Variants in PROSER3 observed in about 807,000 individuals in gnomAD.
PROSER3 encodes proline and serine rich 3.
Under a neutral mutation model 50.2 loss-of-function variants are expected in PROSER3, and 33 were observed. That is an observed-to-expected ratio of 0.66 (90% CI 0.50 to 0.88). PROSER3 has a LOEUF of 0.88. PROSER3 is among the 40% of genes least tolerant of loss of function. The probability of loss-of-function intolerance (pLI) is 0.00; values close to 1 mark genes in which losing one functional copy is unlikely to be tolerated. For synonymous variants in PROSER3, 266 were observed against 259.3 expected (o/e 1.03, Z -0.25); for missense variants, 623 against 612.7 (o/e 1.02, Z -0.18).
chr19:35,762,308 C>G, exon 5 of PROSER3: 1 of 1,611,158 alleles, frequency 6.2e-7, no homozygotes, highest in Non-Finnish European at 8.5e-7. Context: ...CTGCGGTCAA[C>G]GTGACCAGTG....
chr19:35,770,186 A>ATG (rs1971293952), downstream of PROSER3, among the ~76,000 whole-genome samples: 1 of 151,332 alleles, frequency 6.6e-6, no homozygotes, highest in Admixed American at 6.6e-5. Flanking sequence ...TACAGGCATG[A>ATG]GCCATCATGC....
At chr19:35,758,355 C>A in intron 1 of PROSER3, 129 bp downstream of exon 1, 1 of 1,253,080 alleles carries the variant, frequency 8.0e-7, no homozygotes, top group Non-Finnish European at 1.1e-6. Flanking sequence ...ACTACAATTC[C>A]CAACATGCTC....
At chr19:35,759,043 C>A (rs1166990175) in intron 1 of PROSER3, 2 of 229,338 alleles carry the variant, frequency 8.7e-6, no homozygotes, top group Non-Finnish European at 1.7e-5. Context: ...GGAGGCCCAG[C>A]CCCACTAATA....
chr19:35,759,390 A>G, exon 2 of PROSER3: 1 of 1,613,490 alleles, frequency 6.2e-7, no homozygotes. Flanking sequence ...AGTTTTCTCC[A>G]TTCAAGATAG....
chr19:35,762,646 A>C, intron 5 of PROSER3: 1 of 313,384 alleles, frequency 3.2e-6, no homozygotes, highest in Admixed American at 4.7e-5. Flanking sequence ...GGATGGCTTG[A>C]GCCTAGGAGT....
At chr19:35,768,035 C>G in exon 9 of PROSER3, 1 of 1,581,808 alleles carries the variant, frequency 6.3e-7, no homozygotes, top group Non-Finnish European at 8.6e-7. Flanking sequence ...CCTGCTTGCC[C>G]AGGCCGCCCT....
At chr19:35,760,308 C>G (rs1039548519) in intron 3 of PROSER3, among the ~76,000 whole-genome samples, 2 of 152,120 alleles carry the variant, frequency 1.3e-5, no homozygotes, top group East Asian at 3.9e-4. Flanking sequence ...ACCTCAAACT[C>G]CTGGGCTCAA....
chr19:35,759,713 G>C, intron 2 of PROSER3, 76 bp from the exon 3 acceptor site: 1 of 1,356,572 alleles, frequency 7.4e-7, no homozygotes, highest in Non-Finnish European at 1.0e-6. Flanking sequence ...GAGACTTTGT[G>C]TGTGTCCTGG....
In PROSER3 at chr19:35,766,755, C is replaced by T; in HGVS notation, c.770-13C>T. The T allele has an allele frequency of 6.5e-7, 1 of 1,538,732 alleles. No homozygotes were observed. The highest frequency in any genetic ancestry group is 8.8e-7 in the Non-Finnish European group (1 of 1,137,420). On this transcript the variant is annotated splice_polypyrimidine_tract_variant and intron_variant, in intron 7 of 10. Transcript: ENST00000396908. ...CCCCTGCCTCACCCTCTCCTCTCTA[C>T]CTCCCCCTACAGCATCCCCGGCACC...
chr19:35,768,052 G>T lies in PROSER3; in HGVS notation c.1206G>T (p.Leu402=), dbSNP rs745330837. The change falls in exon 9 of 11, where the codon CTG becomes CTT. Residue 402 remains leucine, a synonymous_variant. Transcript: ENST00000396908. ...TGCTTGCCCAGGCCGCCCTGCTGCT[G>T]CAGGCTGCAGAAGGTGATGCCCGCG... The T allele has an allele frequency of 3.2e-6, 5 of 1,582,572 alleles. No individual in the cohort carries two copies. In the Middle Eastern group the frequency reaches 6.7e-4, roughly 211 times the overall value.
At chr19:35,763,203 C>T (rs1357005616) in intron 5 of PROSER3, among the ~76,000 whole-genome samples, 1 of 151,476 alleles carries the variant, frequency 6.6e-6, no homozygotes, top group African/African-American at 2.4e-5. Context: ...GGGCTCCATG[C>T]CCCCCCTTTT....
At chr19:35,759,980 C>T (rs780204535) in exon 3 of PROSER3, 19 of 1,591,488 alleles carry the variant, frequency 1.2e-5, no homozygotes, top group Non-Finnish European at 1.5e-5. Context: ...GCGGGGACTC[C>T]GTGGTGGCCA....
intron 9 of PROSER3, 35 bp downstream of exon 9, chr19:35,768,100 G>A (rs1310462962): frequency 3.8e-6 from 6 of 1,594,188 alleles, no homozygotes; most frequent in African/African-American, 1.3e-5. Context: ...TTGGAGGCAG[G>A]CCAGCCCCCT....
intron 3 of PROSER3, 28 bp downstream of exon 3, chr19:35,760,019 A>G (rs751048717): frequency 2.0e-6 from 3 of 1,524,526 alleles, no homozygotes; most frequent in Non-Finnish European, 2.6e-6. Flanking sequence ...TGGGGGAAAA[A>G]GAGGCTTTGG....
At chr19:35,761,866 C>T (rs927977585) in intron 3 of PROSER3, among the ~76,000 whole-genome samples, 153 bp from the exon 4 acceptor site, 16 of 151,952 alleles carry the variant, frequency 1.1e-4, no homozygotes, top group African/African-American at 3.9e-4. Flanking sequence ...GTCTCAAAAA[C>T]AGTTATGTGA....
At chr19:35,763,628 C>G (rs777422154) in intron 5 of PROSER3, among the ~76,000 whole-genome samples, 72 of 145,524 alleles carry the variant, frequency 4.9e-4, no homozygotes, top group Admixed American at 9.5e-4. Context: ...CTCAGCCTCC[C>G]GAGTAGCTGG....
chr19:35,759,617 C>G (rs1006741395), intron 2 of PROSER3, 147 bp downstream of exon 2: 29 of 977,670 alleles, frequency 3.0e-5, no homozygotes, highest in Non-Finnish European at 4.2e-5. Context: ...GCCCTTGTCC[C>G]CCTCTCTACC....
Position 35,762,458 on chromosome 19 carries a change from C to G in PROSER3, c.543+102C>G, listed in dbSNP as rs527766343. 3.3e-4 allele frequency: 389 copies of G among 1,171,180 alleles called. 8 individuals are homozygous for G. In the South Asian group the frequency reaches 5.3e-3, roughly 16 times the overall value. The allele number at this position is 1,171,180 out of a possible 1,614,324, so 72.5% of individuals were successfully genotyped here. A position where few individuals can be genotyped will look rare whatever the true frequency, so the allele number is the denominator to read the frequency against. On this transcript the variant is annotated intron_variant, in intron 5 of 10. Transcript: ENST00000396908. ...GAGCAGTGGCTCACACCTGTAATCCCAGCACTTTGGGAGGCCAAGGTGAGA... is the reference window on the plus strand; with the variant it reads ...GAGCAGTGGCTCACACCTGTAATCCGAGCACTTTGGGAGGCCAAGGTGAGA...
downstream of PROSER3, chr19:35,769,253 G>A (rs577379550): frequency 5.9e-5 from 9 of 151,552 alleles, no homozygotes; most frequent in East Asian, 1.7e-3. Context: ...AAATTCCATA[G>A]GTCCTAAATG....
Sources: allele counts gnomAD v4.1 joint callset (sites outside exome capture counted in the v4.1 genomes callset), GRCh38; gene constraint gnomAD v4.1.1; transcripts MANE v1.5; gene names NCBI Gene and HGNC (gene_info 2026-07-23, HGNC 2026-07-21).